Variants in ZNF433 observed in about 807,000 individuals in gnomAD.
ZNF433 encodes the protein zinc finger protein 433.
Under a neutral mutation model 10.6 loss-of-function variants are expected in ZNF433, and 12 were observed. The observed-to-expected ratio is 1.13, with a 90% CI of 0.72 to 1.83. ZNF433 has a LOEUF of 1.83. ZNF433 is among the 40% of genes most tolerant of loss of function. The probability of loss-of-function intolerance (pLI) is 0.00; values close to 1 mark genes in which losing one functional copy is unlikely to be tolerated. For synonymous variants in ZNF433, 272 were observed against 271.3 expected, an observed-to-expected ratio of 1.00 and a Z score of -0.02; for missense variants, 737 against 798.0, an observed-to-expected ratio of 0.92 and a Z score of 0.92.
intron 1 of ZNF433, chr19:12,026,545 C>CAATAATGCCTGGA (rs1974742250): frequency 8.5e-6 from 3 of 353,748 alleles, no homozygotes; most frequent in African/African-American, 2.2e-5. Context: ...TCTTGGCTGG[C>CAATAATGCCTGGA]AATAATGCCT....
chr19:12,015,764 C>T lies in ZNF433; in HGVS notation c.1094G>A (p.Cys365Tyr), dbSNP rs202009324. The change falls in exon 4 of 4, where the codon TGT becomes TAT. Residue 365 changes from cysteine to tyrosine, a missense_variant. Cys to Tyr is a radical substitution (Grantham distance 194). Transcript: ENST00000550507. ...ATAAAAGGCTTTCCCACATATCTTACATTTATGAGATATCTCTCCAGTGTG... is the reference window on the plus strand; with the variant it reads ...ATAAAAGGCTTTCCCACATATCTTATATTTATGAGATATCTCTCCAGTGTG... ...GMHTGEISHKCKICGKAFYSP... is the reference protein window; with the variant it reads ...GMHTGEISHKYKICGKAFYSP... The T allele has an allele frequency of 6.2e-7, 1 of 1,613,772 alleles. No individual in the cohort carries two copies. Among genetic ancestry groups the T allele is most frequent in the Admixed American group, 1.7e-5 (1 of 59,952 alleles).
intron 1 of ZNF433, among the ~76,000 whole-genome samples, chr19:12,028,725 T>C (rs1974857796): frequency 6.6e-6 from 1 of 152,226 alleles, no homozygotes; most frequent in South Asian, 2.1e-4. Flanking sequence ...TAGGGACAGG[T>C]TCTTGCACTG....
At chr19:12,020,454 TAA>T (rs1276185780) in intron 1 of ZNF433, among the ~76,000 whole-genome samples, 2 of 152,122 alleles carry the variant, frequency 1.3e-5, no homozygotes, top group Non-Finnish European at 2.9e-5. Flanking sequence ...CATAAAATAA[TAA>T]AATTTTAAAT....
Position 12,030,844 on chromosome 19 carries a change from G to T in ZNF433, c.3+4693C>A, listed in dbSNP as rs568231555. Reference sequence around the variant, plus strand: ...CTGTAATCCCAGCACTTTTGGAGGTGGAGGCAGGATTACTTGAGCTCAGGA... The same window carrying T: ...CTGTAATCCCAGCACTTTTGGAGGTTGAGGCAGGATTACTTGAGCTCAGGA... On this transcript the variant is annotated intron_variant, in intron 1 of 3. Transcript: ENST00000550507. Among the ~76,000 whole-genome samples the T allele has an allele frequency of 9.9e-5, 15 of 152,240 alleles. 1 individual carries two copies. Among genetic ancestry groups the T allele is most frequent in the African/African-American group, 3.4e-4 (14 of 41,562 alleles).
Position 12,014,826 on chromosome 19 carries a change from A to G in ZNF433, c.*19T>C. The G allele has an allele frequency of 1.3e-6, 2 of 1,511,828 alleles. No individual in the cohort carries two copies. The highest frequency in any genetic ancestry group is 1.8e-6 in the Non-Finnish European group (2 of 1,128,618). The allele number at this position is 1,511,828 out of a possible 1,614,324, so 93.7% of individuals were successfully genotyped here. ...TGGGCTTAAGCAGTCCCCCCACCTC[A>G]GCCTCCTAAAGCCTGGGGTTATGGG... On this transcript the variant is annotated 3_prime_UTR_variant, in exon 4 of 4. Transcript: ENST00000550507.
At chr19:12,033,022 C>G (rs1184286843) in intron 1 of ZNF433, among the ~76,000 whole-genome samples, 3 of 152,124 alleles carry the variant, frequency 2.0e-5, no homozygotes, top group Non-Finnish European at 4.4e-5. Flanking sequence ...ATCCTGCTCA[C>G]TGAAGTGCTG....
intron 1 of ZNF433, among the ~76,000 whole-genome samples, chr19:12,030,442 G>A (rs569637234): frequency 7.2e-5 from 11 of 152,080 alleles, no homozygotes; most frequent in South Asian, 4.1e-4. Context: ...GGATAGTCTC[G>A]ATCTCTTGAC....
intron 1 of ZNF433, chr19:12,025,356 T>C (rs549211272): frequency 6.6e-6 from 1 of 152,256 alleles, no homozygotes; most frequent in Non-Finnish European, 1.5e-5. Context: ...ACACCCTTTT[T>C]ACATCACTCA....
At position 12,017,861 on chromosome 19, in the gene ZNF433, G is replaced by C; in HGVS notation, c.191+15C>G. 1 of 1,508,468 alleles carries C rather than the reference G, an allele frequency of 6.6e-7. No homozygotes were observed. 93.4% of individuals were successfully genotyped at this position (1,508,468 alleles called of 1,614,324 possible). The stretch of plus-strand genomic sequence containing the variant: ...TTCTAGAGACACACGTCTTTGTCAT[G>C]TGAGTGCAAGTTACCTTAGGTTTCT... On this transcript the variant is annotated intron_variant, in intron 3 of 3. Coordinates refer to ENST00000550507, the MANE Select transcript of ZNF433 (RefSeq NM_001308348.2).
rs748500453 is a variant in ZNF433 at position 12,015,758 on chromosome 19, A to G, written c.1100T>C (p.Ile367Thr). ...GGGAGAATAAAAGGCTTTCCCACAT[A>G]TCTTACATTTATGAGATATCTCTCC... ...HTGEISHKCK[I>T]CGKAFYSPSS... Residue 367 changes from isoleucine (I) to threonine (T), a missense_variant, in exon 4 of 4, where the codon ATA becomes ACA. Coordinates refer to ENST00000550507, the MANE Select transcript of ZNF433 (RefSeq NM_001308348.2). The G allele has an allele frequency of 3.7e-6, 6 of 1,613,436 alleles. No homozygotes were observed. The Admixed American group carries it at 1.0e-4, about 27-fold the overall frequency.
intron 1 of ZNF433, chr19:12,025,327 C>T (rs1463639750): frequency 6.6e-6 from 1 of 152,222 alleles, no homozygotes; most frequent in East Asian, 1.9e-4. Flanking sequence ...CAATTGCAAA[C>T]AGCAGTTAGA....
intron 1 of ZNF433, among the ~76,000 whole-genome samples, chr19:12,020,358 C>A (rs1326512290): frequency 6.6e-6 from 1 of 151,920 alleles, no homozygotes; most frequent in Non-Finnish European, 1.5e-5. Context: ...TGAAGTGGTG[C>A]TCAACATCAG....
intron 1 of ZNF433, among the ~76,000 whole-genome samples, chr19:12,028,710 T>G (rs547785097): frequency 6.6e-6 from 1 of 152,210 alleles, no homozygotes; most frequent in Non-Finnish European, 1.5e-5. Context: ...TATTTTTGTT[T>G]TGTTTAGGGA....
chr19:12,035,379 C>T (rs2145502666), intron 1 of ZNF433, among the ~76,000 whole-genome samples, 158 bp downstream of exon 1: 1 of 152,232 alleles, frequency 6.6e-6, no homozygotes, highest in African/African-American at 2.4e-5. Context: ...CCCAGCCCCA[C>T]TGTGGGGCCA....
chr19:12,029,034 T>A (rs1974873842), intron 1 of ZNF433, among the ~76,000 whole-genome samples: 1 of 152,182 alleles, frequency 6.6e-6, no homozygotes, highest in African/African-American at 2.4e-5. Flanking sequence ...CATGGAAAGA[T>A]ATCAATGGAA....
In ZNF433 at chr19:12,016,142, C is replaced by A. The variant is rs750518345; in HGVS notation, c.716G>T (p.Arg239Leu). The A allele has an allele frequency of 6.2e-7, 1 of 1,613,794 alleles. No homozygotes were observed. The highest frequency in any genetic ancestry group is 8.5e-7 in the Non-Finnish European group (1 of 1,179,976). ...GKAFSHSSSL[R>L]IHERTHTGEK... Reference sequence around the variant, plus strand: ...CCCAGTGTGAGTTCTTTCATGTATTCGAAGGCTACTAGAATGACTAAAGGC... The same window carrying A: ...CCCAGTGTGAGTTCTTTCATGTATTAGAAGGCTACTAGAATGACTAAAGGC... The change falls in exon 4 of 4, where the codon CGA becomes CTA. Residue 239 changes from arginine (R) to leucine (L), a missense_variant. Coordinates refer to ENST00000550507, the MANE Select transcript of ZNF433 (RefSeq NM_001308348.2).
At chr19:12,023,954 C>T (rs929113575) in intron 1 of ZNF433, 7 of 152,052 alleles carry the variant, frequency 4.6e-5, no homozygotes, top group African/African-American at 1.7e-4. Flanking sequence ...ACAAAGTTCC[C>T]ACCAAGGTTT....
chr19:12,018,417 C>T (rs1974323285), intron 1 of ZNF433, 125 bp from the exon 2 acceptor site: 1 of 1,132,096 alleles, frequency 8.8e-7, no homozygotes, highest in Admixed American at 3.2e-5. Context: ...GACCATCAGA[C>T]CTCATACTCT....
At chr19:12,033,549 G>T (rs531271924) in intron 1 of ZNF433, among the ~76,000 whole-genome samples, 2 of 150,200 alleles carry the variant, frequency 1.3e-5, no homozygotes, top group Non-Finnish European at 3.0e-5. Context: ...CGGGCCAGGC[G>T]CAGTGACTCA....
Sources: allele counts gnomAD v4.1 joint callset (sites outside exome capture counted in the v4.1 genomes callset), GRCh38; gene constraint gnomAD v4.1.1; transcripts MANE v1.5; gene names NCBI Gene and HGNC (gene_info 2026-07-23, HGNC 2026-07-21).